The following ZNF688 variants were observed in gnomAD, a reference collection of about 807,000 sequenced individuals.
The protein encoded by ZNF688 is zinc finger protein 688.
Under a neutral mutation model 13.2 loss-of-function variants are expected in ZNF688, and 10 were observed. The observed-to-expected ratio is 0.76, with a 90% CI of 0.47 to 1.28. The LOEUF (loss-of-function observed/expected upper bound fraction) is 1.28, where lower values mean the gene tolerates loss of function less well. ZNF688 is among the 50% of genes most tolerant of loss of function. The probability of loss-of-function intolerance (pLI) is 0.00; values close to 1 mark genes in which losing one functional copy is unlikely to be tolerated. For missense variants in ZNF688, 381 were observed against 391.4 expected, an observed-to-expected ratio of 0.97 and a Z score of 0.22; for synonymous variants, 160 against 159.4, an observed-to-expected ratio of 1.00 and a Z score of -0.03.
chr16:30,571,466 A>G lies in ZNF688; in HGVS notation c.164T>C (p.Met55Thr). The change falls in exon 1 of 3, where the codon ATG becomes ACG. Residue 55 changes from methionine (M) to threonine (T), a missense_variant. By Grantham distance (81) the Met-to-Thr change is moderately conservative. Transcript: ENST00000223459. ...PAQRALYRDVMQETYGHLGAL... is the reference protein window; with the variant it reads ...PAQRALYRDVTQETYGHLGAL... ...GCCCAGGTGGCCGTAGGTCTCCTGCATCACGTCCCGGTACAGAGCCCTCTG... is the reference window on the plus strand; with the variant it reads ...GCCCAGGTGGCCGTAGGTCTCCTGCGTCACGTCCCGGTACAGAGCCCTCTG... 1 of 1,586,570 alleles carries G rather than the reference A, an allele frequency of 6.3e-7. No homozygotes were observed. The highest frequency in any genetic ancestry group is 8.6e-7 in the Non-Finnish European group (1 of 1,167,592).
chr16:30,569,852 C>T lies in ZNF688; in HGVS notation c.*64G>A. The T allele has an allele frequency of 1.3e-6, 2 of 1,486,614 alleles. No individual in the cohort carries two copies. Among genetic ancestry groups the T allele is most frequent in the South Asian group, 1.4e-5 (1 of 71,466 alleles). The allele number at this position is 1,486,614 out of a possible 1,614,324, so 92.1% of individuals were successfully genotyped here. ...GTTCCGGAGTCCCCGACTCAGTGGC[C>T]CACCTCAGGGATCCGTCAGTCCTTC... On this transcript the variant is annotated 3_prime_UTR_variant, in exon 3 of 3. Coordinates refer to ENST00000223459, the MANE Select transcript of ZNF688 (RefSeq NM_145271.4).
upstream of ZNF688, among the ~76,000 whole-genome samples, chr16:30,576,576 C>T (rs1366629164): frequency 6.6e-6 from 1 of 152,092 alleles, no homozygotes; most frequent in Non-Finnish European, 1.5e-5. Context: ...TGATCTCAAA[C>T]TCCTGACCTC....
At chr16:30,572,255 G>C (rs1185449800), upstream of ZNF688, 1 of 1,560,490 alleles carries the variant, frequency 6.4e-7, no homozygotes, top group Admixed American at 1.9e-5. Context: ...ACAGACTGGA[G>C]CGCAGCGGAG....
chr16:30,570,703 T>C lies in ZNF688; in HGVS notation c.311-267A>G, dbSNP rs532681247. The C allele has an allele frequency of 7.8e-6, 3 of 386,782 alleles. No individual in the cohort carries two copies. In the South Asian group the frequency reaches 3.8e-4, roughly 49 times the overall value. 24.0% of individuals were successfully genotyped at this position (386,782 alleles called of 1,614,324 possible). ...AGATGCATGTTAAGCACTTAGGAAG[T>C]GCTCAGGAAGCAGGGGCTATTATTT... is the stretch of plus-strand genomic sequence containing the variant. On this transcript the variant is annotated intron_variant, in intron 2 of 2. Transcript: ENST00000223459.
At position 30,571,113 on chromosome 16, in the gene ZNF688, G is replaced by A. The variant is rs374044542; in HGVS notation, c.207C>T (p.Gly69=). The A allele has an allele frequency of 6.3e-6, 10 of 1,578,292 alleles. No homozygotes were observed. Among genetic ancestry groups the A allele is most frequent in the African/African-American group, 1.4e-5 (1 of 73,046 alleles). ...YGHLGALGFP[G]PKPALISWME... Reference sequence around the variant, plus strand: ...TCCAAGAGATGAGGGCTGGTTTGGGGCCTGGGAATCCTGGGAGAGAACAGG... The same window carrying A: ...TCCAAGAGATGAGGGCTGGTTTGGGACCTGGGAATCCTGGGAGAGAACAGG... The change falls in exon 2 of 3, where the codon GGC becomes GGT. Residue 69 remains glycine (G), a synonymous_variant. Transcript: ENST00000223459.
upstream of ZNF688, among the ~76,000 whole-genome samples, chr16:30,576,509 C>T (rs541476538): frequency 6.6e-6 from 1 of 152,092 alleles, no homozygotes; most frequent in African/African-American, 2.4e-5. Flanking sequence ...CGCGCCCAGC[C>T]ACCCAGCTAA....
chr16:30,571,196 A>G, intron 1 of ZNF688, 73 bp from the exon 2 acceptor site: 1 of 1,525,404 alleles, frequency 6.6e-7, no homozygotes, highest in Non-Finnish European at 8.8e-7. Context: ...CTCCAGGCTG[A>G]GGGCACCCCC....
intron 2 of ZNF688, 21 bp from the exon 3 acceptor site, chr16:30,570,457 T>A (rs2051657589): frequency 1.2e-6 from 2 of 1,600,260 alleles, no homozygotes; most frequent in Non-Finnish European, 8.5e-7. Context: ...GGAATTAAGT[T>A]ACACTTACAA....
At position 30,571,712 on chromosome 16, in the gene ZNF688, C is replaced by T. The variant is rs1012873155; in HGVS notation, c.-83G>A. The T allele has an allele frequency of 8.2e-6, 11 of 1,348,596 alleles. No individual in the cohort carries two copies. The highest frequency in any genetic ancestry group is 8.5e-6 in the Non-Finnish European group (9 of 1,056,210). The allele number at this position is 1,348,596 out of a possible 1,614,324, so 83.5% of individuals were successfully genotyped here. A position where few individuals can be genotyped will look rare whatever the true frequency, so the allele number is the denominator to read the frequency against. ...TCCCGGCCTCAGCTGTCGTTGTCCA[C>T]AGGAAGGGCGGCCCCGCCCAGCCGT... On this transcript the variant is annotated 5_prime_UTR_variant, in exon 1 of 3. It adds an upstream start codon to the 5' untranslated region. Coordinates refer to ENST00000223459, the MANE Select transcript of ZNF688 (RefSeq NM_145271.4).
At chr16:30,576,135 C>A (rs966096129), upstream of ZNF688, among the ~76,000 whole-genome samples, 1 of 152,118 alleles carries the variant, frequency 6.6e-6, no homozygotes, top group South Asian at 2.1e-4. Flanking sequence ...GCAACCTCCC[C>A]CTCCTGGGTT....
upstream of ZNF688, among the ~76,000 whole-genome samples, chr16:30,574,237 C>A (rs1388278403): frequency 8.6e-5 from 13 of 151,144 alleles, no homozygotes; most frequent in African/African-American, 2.9e-4. Context: ...CAGAGTGAGA[C>A]CCCGTCTCAA....
chr16:30,579,949 G>A, the ZNF688 span: 226 of 432,354 alleles, frequency 5.2e-4, 3 homozygotes, highest in Middle Eastern at 0.016. Context: ...GTGCAGTGGC[G>A]CGATCTCAGC....
intron 2 of ZNF688, 162 bp downstream of exon 2, chr16:30,570,848 C>T (rs1343560190): frequency 1.2e-6 from 1 of 814,808 alleles, no homozygotes; most frequent in South Asian, 1.4e-5. Flanking sequence ...GACCGCTGTC[C>T]CATGTTCTGA....
chr16:30,576,403 G>A (rs1166664626), upstream of ZNF688, among the ~76,000 whole-genome samples: 1 of 152,098 alleles, frequency 6.6e-6, no homozygotes, highest in Non-Finnish European at 1.5e-5. Flanking sequence ...GAAGAGATGG[G>A]GTTTCATTGT....
At chr16:30,575,123 T>C (rs1419857396), upstream of ZNF688, among the ~76,000 whole-genome samples, 1 of 152,230 alleles carries the variant, frequency 6.6e-6, no homozygotes, top group Non-Finnish European at 1.5e-5. Flanking sequence ...GTTGATTCCA[T>C]ATCTTTGCTA....
intron 2 of ZNF688, 121 bp downstream of exon 2, chr16:30,570,889 C>T (rs1385284316): frequency 2.7e-6 from 3 of 1,091,684 alleles, no homozygotes; most frequent in Admixed American, 2.0e-5. Flanking sequence ...CTTCTTTACT[C>T]CTCTAGTACC....
chr16:30,570,988 G>A (rs1160400096), intron 2 of ZNF688, 22 bp downstream of exon 2: 5 of 1,613,020 alleles, frequency 3.1e-6, no homozygotes, highest in Non-Finnish European at 4.2e-6. Flanking sequence ...ACCAAGTGGG[G>A]GGACCCGGGA....
upstream of ZNF688, chr16:30,573,966 G>T: frequency 3.4e-6 from 1 of 296,402 alleles, no homozygotes; most frequent in Non-Finnish European, 6.7e-6. Context: ...TTTAATTTAG[G>T]CCCAGCCCAG....
Position 30,571,143 on chromosome 16 carries a change from A to G in ZNF688, c.197-20T>C. 4.5e-6 allele frequency: 7 copies of G among 1,564,150 alleles called. No individual in the cohort carries two copies. Among genetic ancestry groups the G allele is most frequent in the Non-Finnish European group, 5.2e-6 (6 of 1,155,474 alleles). Reference sequence around the variant, plus strand: ...GGAATCCTGGGAGAGAACAGGGATCACAGCGCGGGCCTGAGAGGCCATCGT... The same window carrying G: ...GGAATCCTGGGAGAGAACAGGGATCGCAGCGCGGGCCTGAGAGGCCATCGT... On this transcript the variant is annotated intron_variant, in intron 1 of 2. Coordinates refer to ENST00000223459, the MANE Select transcript of ZNF688 (RefSeq NM_145271.4).
Sources: gnomAD v4.1 joint callset for allele counts (sites outside exome capture counted in the v4.1 genomes callset) on GRCh38, gnomAD v4.1.1 for gene constraint, MANE v1.5 for transcripts, NCBI Gene and HGNC (gene_info 2026-07-23, HGNC 2026-07-21) for gene names.